Variants in ZFPM2 observed in about 807,000 individuals in gnomAD.
ZFPM2 encodes the protein zinc finger protein, FOG family member 2, also known as zinc finger protein ZFPM2.
In ZFPM2, 20 loss-of-function variants were observed where a neutral mutation model predicts 98.6. The observed-to-expected ratio is 0.20, with a 90% CI of 0.14 to 0.29. The LOEUF is 0.29. Ranked by LOEUF, ZFPM2 falls within the 10% of genes least tolerant of loss-of-function variation. ZFPM2 has a pLI of 1.00. For missense variants in ZFPM2, 1,310 were observed against 1,388.6 expected (o/e 0.94, Z 0.90); for synonymous variants, 518 against 502.7 (o/e 1.03, Z -0.41).
chr8:105,353,293 A>C (rs2129721954), intron 1 of ZFPM2, among the ~76,000 whole-genome samples: 1 of 152,264 alleles, frequency 6.6e-6, no homozygotes, highest in Non-Finnish European at 1.5e-5. Context: ...TGTTCTGTTC[A>C]GATGTCCCCC....
chr8:105,440,784 A>G (rs1186847039), intron 2 of ZFPM2, among the ~76,000 whole-genome samples: 1 of 152,170 alleles, frequency 6.6e-6, no homozygotes, highest in African/African-American at 2.4e-5. Flanking sequence ...ATAAGGGATG[A>G]ATACCTGACC....
At chr8:105,477,731 A>G (rs1335605134) in intron 3 of ZFPM2, among the ~76,000 whole-genome samples, 4 of 152,146 alleles carry the variant, frequency 2.6e-5, no homozygotes, top group Non-Finnish European at 5.9e-5. Flanking sequence ...TAGCCTGACA[A>G]TGTTTCATGT....
chr8:105,452,516 G>A (rs1812504969), intron 3 of ZFPM2, among the ~76,000 whole-genome samples: 1 of 151,842 alleles, frequency 6.6e-6, no homozygotes, highest in Non-Finnish European at 1.5e-5. Flanking sequence ...GGGATGCCTC[G>A]GTGGGAGGAT....
chr8:105,560,731 C>G (rs1196588296), intron 3 of ZFPM2, among the ~76,000 whole-genome samples: 1 of 151,964 alleles, frequency 6.6e-6, no homozygotes, highest in Non-Finnish European at 1.5e-5. Context: ...CAAAATATTA[C>G]TCTGGAGTAA....
chr8:105,354,317 G>A (rs1400853799), intron 1 of ZFPM2, among the ~76,000 whole-genome samples: 1 of 152,174 alleles, frequency 6.6e-6, no homozygotes, highest in Non-Finnish European at 1.5e-5. Context: ...GTAATTTACA[G>A]GAAGATGCCC....
intron 2 of ZFPM2, among the ~76,000 whole-genome samples, chr8:105,443,187 T>C (rs1812290205): frequency 6.6e-6 from 1 of 151,856 alleles, no homozygotes; most frequent in Admixed American, 6.6e-5. Flanking sequence ...CAGGCACCTG[T>C]AATCCCAGCT....
intron 3 of ZFPM2, among the ~76,000 whole-genome samples, chr8:105,467,900 T>A (rs79223899): frequency 0.028 from 4,187 of 151,982 alleles, 178 homozygotes; most frequent in African/African-American, 0.095. Context: ...ATTGGAAGGG[T>A]AAGGATGATT....
At chr8:105,410,999 A>G (rs1328439119) in intron 1 of ZFPM2, among the ~76,000 whole-genome samples, 3 of 151,878 alleles carry the variant, frequency 2.0e-5, no homozygotes, top group African/African-American at 4.8e-5. Flanking sequence ...TAACCAGGAA[A>G]GGACCATGGA....
intron 5 of ZFPM2, among the ~76,000 whole-genome samples, chr8:105,711,032 C>G (rs1811381274): frequency 6.6e-6 from 1 of 151,970 alleles, no homozygotes; most frequent in Non-Finnish European, 1.5e-5. Context: ...TCCCCTCTTC[C>G]TTACACATAC....
chr8:105,406,053 T>G (rs962102744), intron 1 of ZFPM2, among the ~76,000 whole-genome samples: 3 of 152,198 alleles, frequency 2.0e-5, no homozygotes, highest in Non-Finnish European at 4.4e-5. Context: ...TTTTTTCATG[T>G]GTGTTTTGGC....
At chr8:105,744,119 A>G (rs1812287743) in intron 5 of ZFPM2, among the ~76,000 whole-genome samples, 1 of 152,066 alleles carries the variant, frequency 6.6e-6, no homozygotes, top group Non-Finnish European at 1.5e-5. Context: ...ATGATATCCT[A>G]ATAACTGTGT....
intron 5 of ZFPM2, among the ~76,000 whole-genome samples, chr8:105,753,766 G>A (rs938603594): frequency 1.3e-5 from 2 of 152,032 alleles, no homozygotes; most frequent in African/African-American, 4.8e-5. Flanking sequence ...TAACCACAAA[G>A]TGGTAACAAA....
At chr8:105,586,499 T>C (rs1324510073) in intron 4 of ZFPM2, among the ~76,000 whole-genome samples, 1 of 152,158 alleles carries the variant, frequency 6.6e-6, no homozygotes, top group Non-Finnish European at 1.5e-5. Flanking sequence ...CTTGGCTCAC[T>C]GCAACCTCTG....
At chr8:105,350,844 T>C (rs1193063553) in intron 1 of ZFPM2, among the ~76,000 whole-genome samples, 4 of 152,058 alleles carry the variant, frequency 2.6e-5, no homozygotes, top group Admixed American at 6.6e-5. Context: ...CTGTGGAGAA[T>C]TGGTTTCAGA....
At chr8:105,577,687 G>A (rs1316133757) in intron 4 of ZFPM2, among the ~76,000 whole-genome samples, 5 of 151,166 alleles carry the variant, frequency 3.3e-5, no homozygotes, top group Admixed American at 2.6e-4. Context: ...TTCATCTGTA[G>A]GATGAAAAAG....
At chr8:105,502,230 T>G (rs1237572035) in intron 3 of ZFPM2, among the ~76,000 whole-genome samples, 2 of 152,128 alleles carry the variant, frequency 1.3e-5, no homozygotes, top group Non-Finnish European at 2.9e-5. Context: ...AATATATGAA[T>G]TATTGAAGAA....
chr8:105,322,530 A>C (rs1207793451), intron 1 of ZFPM2, among the ~76,000 whole-genome samples: 1 of 151,710 alleles, frequency 6.6e-6, no homozygotes, highest in East Asian at 1.9e-4. Context: ...GGAGAAACTC[A>C]AGTAATTTAT....
chr8:105,758,668 T>C (rs10100437), intron 5 of ZFPM2, among the ~76,000 whole-genome samples: 43,438 of 151,898 alleles, frequency 0.29, 7,919 homozygotes, highest in African/African-American at 0.49. Flanking sequence ...ATCAATTGAT[T>C]GAAAACCTTA....
At chr8:105,488,186 T>C (rs1281630681) in intron 3 of ZFPM2, among the ~76,000 whole-genome samples, 1 of 152,186 alleles carries the variant, frequency 6.6e-6, no homozygotes. Context: ...CAAATGCAAG[T>C]GAACAAAATC....
Sources: gnomAD v4.1 joint callset for allele counts (sites outside exome capture counted in the v4.1 genomes callset) on GRCh38, gnomAD v4.1.1 for gene constraint, MANE v1.5 for transcripts, NCBI Gene and HGNC (gene_info 2026-07-23, HGNC 2026-07-21) for gene names.